Variants in FGD6 observed in about 807,000 individuals in gnomAD.
FGD6 encodes the protein FYVE, RhoGEF and PH domain-containing protein 6.
A neutral mutation model predicts 149.4 loss-of-function variants in FGD6; 90 were observed. The observed-to-expected ratio is 0.60, with a 90% CI of 0.51 to 0.72. The LOEUF is 0.72. Among genes scored for constraint, FGD6 ranks in the 30% least tolerant of loss-of-function variants. The pLI, the probability that FGD6 is intolerant of heterozygous loss-of-function variation, is 0.00. For synonymous variants in FGD6, 527 were observed against 584.0 expected (o/e 0.90, Z 1.41); for missense variants, 1,437 against 1,684.8 (o/e 0.85, Z 2.57).
chr12:95,203,710 G>A (rs922229172), intron 2 of FGD6, among the ~76,000 whole-genome samples: 4 of 152,136 alleles, frequency 2.6e-5, no homozygotes, highest in African/African-American at 9.7e-5. Flanking sequence ...GGTTTGCTAA[G>A]TTGCCTAGGA....
Position 95,209,526 on chromosome 12 carries a change from GAC to G in FGD6, c.1756_1757del (p.Val586HisfsTer7), listed in dbSNP as rs765898433. On this transcript the variant is annotated frameshift_variant, in exon 2 of 21. Transcript: ENST00000343958. LOFTEE classifies it high-confidence loss of function. ...FSGNPEFLKS[V>X]TVSSNSEPST... is the part of the protein sequence containing the mutation. ...AAGGCTCACTGTTTGACGATACGGT[GAC>G]AGACTTTAAGAATTCTGGGTTCCCT... is the stretch of plus-strand genomic sequence containing the variant. 1 of 1,614,030 alleles carries G rather than the reference GAC, an allele frequency of 6.2e-7. No individual in the cohort carries two copies. Among genetic ancestry groups the G allele is most frequent in the South Asian group, 1.1e-5 (1 of 91,036 alleles).
chr12:95,128,393 C>T (rs964272424), intron 8 of FGD6, among the ~76,000 whole-genome samples: 4 of 152,126 alleles, frequency 2.6e-5, no homozygotes, highest in African/African-American at 4.8e-5. Context: ...TGTGCCACCA[C>T]ACCCAGCTAA....
At chr12:95,103,248 T>C (rs1878507606) in intron 14 of FGD6, among the ~76,000 whole-genome samples, 1 of 152,240 alleles carries the variant, frequency 6.6e-6, no homozygotes, top group African/African-American at 2.4e-5. Flanking sequence ...AAGCGTTTGC[T>C]TCTATTTTTA....
chr12:95,172,798 C>G, intron 2 of FGD6, 54 bp from the exon 3 acceptor site: 1 of 1,423,326 alleles, frequency 7.0e-7, no homozygotes, highest in Non-Finnish European at 9.4e-7. Context: ...GAAGTGCTAG[C>G]AAAACAAAAA....
chr12:95,129,934 A>G (rs923446541), intron 8 of FGD6, among the ~76,000 whole-genome samples: 1 of 152,096 alleles, frequency 6.6e-6, no homozygotes, highest in Non-Finnish European at 1.5e-5. Flanking sequence ...TCAGCTTCCC[A>G]AAGTGTTGGG....
intron 18 of FGD6, among the ~76,000 whole-genome samples, chr12:95,086,500 A>AAAGACAGT (rs1344780034): frequency 6.6e-6 from 1 of 151,764 alleles, no homozygotes; most frequent in Non-Finnish European, 1.5e-5. Context: ...CTCTATGCAA[A>AAAGACAGT]AAGACAGTAA....
rs1037474479 is a variant in FGD6 at position 95,127,214 on chromosome 12, C to A, written c.3082+7525G>T. Among the ~76,000 whole-genome samples, 3 of 151,800 alleles carry A rather than the reference C, an allele frequency of 2.0e-5. No homozygotes were observed. The East Asian group carries it at 5.8e-4, about 29-fold the overall frequency. ...CCCTAGGTTTTAAAATAAATACTTGCTAAACAGAAGTTTTCCGTAAGGGTT... is the reference window on the plus strand; with the variant it reads ...CCCTAGGTTTTAAAATAAATACTTGATAAACAGAAGTTTTCCGTAAGGGTT... On this transcript the variant is annotated intron_variant, in intron 8 of 20. Transcript: ENST00000343958.
chr12:95,114,701 G>A (rs1053321107), intron 8 of FGD6, among the ~76,000 whole-genome samples: 7 of 152,132 alleles, frequency 4.6e-5, no homozygotes, highest in Admixed American at 1.3e-4. Context: ...TAACACCAAG[G>A]TAAGTCATGG....
In FGD6 at chr12:95,209,973, C is replaced by T. The variant is rs375870602; in HGVS notation, c.1311G>A (p.Ser437=). 3.5e-5 allele frequency: 56 copies of T among 1,611,866 alleles called. No individual in the cohort carries two copies. The highest frequency in any genetic ancestry group is 4.2e-5 in the Non-Finnish European group (49 of 1,179,318). Residue 437 remains serine, a synonymous_variant, in exon 2 of 21, where the codon TCG becomes TCA. Coordinates refer to ENST00000343958, the MANE Select transcript of FGD6 (RefSeq NM_018351.4). ...AACCGGTCCCTTCGTCCACAGCAAG[C>T]GACATACTAGAACCATCTACAGTTG... ...DSTTVDGSSM[S]LAVDEGTGFI... is the part of the protein sequence containing the mutation.
At chr12:95,105,185 C>A (rs1878572392) in intron 13 of FGD6, 99 bp from the exon 14 acceptor site, 2 of 951,930 alleles carry the variant, frequency 2.1e-6, no homozygotes, top group South Asian at 1.5e-5. Context: ...CATCCACAAC[C>A]AATCTTCCTA....
chr12:95,188,835 C>T (rs1396032346), intron 2 of FGD6, among the ~76,000 whole-genome samples: 1 of 149,970 alleles, frequency 6.7e-6, no homozygotes, highest in African/African-American at 2.5e-5. Flanking sequence ...AAGGAAAGGT[C>T]AAAGGTAAAG....
chr12:95,154,873 G>A (rs981031813), intron 3 of FGD6, among the ~76,000 whole-genome samples: 7 of 152,152 alleles, frequency 4.6e-5, no homozygotes, highest in African/African-American at 1.7e-4. Flanking sequence ...GGATCTAGCA[G>A]ATCTGTTTCC....
At chr12:95,122,324 AT>A (rs1879214879) in intron 8 of FGD6, among the ~76,000 whole-genome samples, 1 of 152,048 alleles carries the variant, frequency 6.6e-6, no homozygotes, top group African/African-American at 2.4e-5. Flanking sequence ...CCTGATTTTA[AT>A]TATTGTTGTA....
intron 18 of FGD6, among the ~76,000 whole-genome samples, chr12:95,087,976 G>C (rs112974513): frequency 6.6e-6 from 1 of 152,056 alleles, no homozygotes. Flanking sequence ...ATTCAAATGA[G>C]ATTTTGCTTA....
intron 8 of FGD6, among the ~76,000 whole-genome samples, chr12:95,123,056 A>C (rs1198911119): frequency 6.6e-6 from 1 of 151,558 alleles, no homozygotes; most frequent in Non-Finnish European, 1.5e-5. Flanking sequence ...CTCTGTCAAA[A>C]AAAAAAAAAG....
chr12:95,165,580 C>T (rs368286915), intron 3 of FGD6, among the ~76,000 whole-genome samples: 24 of 151,512 alleles, frequency 1.6e-4, no homozygotes, highest in East Asian at 1.6e-3. Context: ...TCAGGTGATC[C>T]GCCAGCCTCA....
In FGD6 at chr12:95,107,041, A is replaced by C. The variant is rs372573485; in HGVS notation, c.3334-4T>G. On this transcript the variant is annotated splice_polypyrimidine_tract_variant and splice_region_variant and intron_variant, in intron 12 of 20. Coordinates refer to ENST00000343958, the MANE Select transcript of FGD6 (RefSeq NM_018351.4). ...TATACAGCAGGGCATCATTAAACTG[A>C]AAGTAGAAACATTTCAGGGGAGAAA... is the stretch of plus-strand genomic sequence containing the variant. 5.0e-6 allele frequency: 8 copies of C among 1,606,204 alleles called. No individual in the cohort carries two copies. The African/African-American group carries it at 9.4e-5, about 19-fold the overall frequency.
chr12:95,152,737 G>T, intron 5 of FGD6, 74 bp downstream of exon 5: 1 of 1,366,034 alleles, frequency 7.3e-7, no homozygotes, highest in Non-Finnish European at 1.0e-6. Context: ...TAGTAATGCT[G>T]AAAACTTCTA....
chr12:95,217,334 CCCCCGCAGCGCCCACATTCCGTCCCGCCG>C lies in FGD6; in HGVS notation c.-123_-95del. ...CCACAGTTCGGGTAGGAGAGAAAAG[CCCCCGCAGCGCCCACATTCCGTCCCGCCG>C]CCCCGCGGCGCAGCCTGAGCGCCAC... On this transcript the variant is annotated 5_prime_UTR_variant, in exon 1 of 21. The change abolishes an upstream ATG in the 5' untranslated region. Coordinates refer to ENST00000343958, the MANE Select transcript of FGD6 (RefSeq NM_018351.4). 6.9e-7 allele frequency: 1 copy of C among 1,446,990 alleles called. No homozygotes were observed. Among genetic ancestry groups the C allele is most frequent in the Non-Finnish European group, 9.2e-7 (1 of 1,085,474 alleles). The allele number at this position is 1,446,990 out of a possible 1,614,324, so 89.6% of individuals were successfully genotyped here.
Sources: allele counts gnomAD v4.1 joint callset (sites outside exome capture counted in the v4.1 genomes callset), GRCh38; gene constraint gnomAD v4.1.1; transcripts MANE v1.5; gene names NCBI Gene and HGNC (gene_info 2026-07-23, HGNC 2026-07-21).